MRPL48: variants seen among roughly 807,000 people sequenced by gnomAD.
The protein encoded by MRPL48 is large ribosomal subunit protein mL48.
Under a neutral mutation model 32.9 loss-of-function variants are expected in MRPL48, and 16 were observed. The ratio of observed to expected loss-of-function variants is 0.49; its 90% CI spans 0.33 to 0.74. The LOEUF is 0.74. Ranked by LOEUF, MRPL48 falls within the 30% of genes least tolerant of loss-of-function variation. The pLI is 0.02. For missense variants in MRPL48, 206 were observed against 245.3 expected (o/e 0.84, Z 1.07); for synonymous variants, 94 against 89.2 (o/e 1.05, Z -0.31).
At chr11:73,839,554 G>A (rs890004308) in intron 4 of MRPL48, among the ~76,000 whole-genome samples, 3 of 152,074 alleles carry the variant, frequency 2.0e-5, no homozygotes, top group African/African-American at 4.8e-5. Context: ...GTGTGGCTGG[G>A]TCATTTCGGC....
At chr11:73,788,305 C>T (rs1442987300) in intron 1 of MRPL48, among the ~76,000 whole-genome samples, 1 of 152,006 alleles carries the variant, frequency 6.6e-6, no homozygotes, top group Non-Finnish European at 1.5e-5. Context: ...GATACGGTCC[C>T]GATTAACTGT....
chr11:73,793,714 G>T (rs1281102586), intron 1 of MRPL48, among the ~76,000 whole-genome samples: 1 of 152,060 alleles, frequency 6.6e-6, no homozygotes, highest in Non-Finnish European at 1.5e-5. Context: ...ATGGGAGTGA[G>T]AATTGAGGTA....
chr11:73,844,617 T>C (rs1948252318), intron 4 of MRPL48, among the ~76,000 whole-genome samples, 190 bp from the exon 5 acceptor site: 1 of 152,172 alleles, frequency 6.6e-6, no homozygotes, highest in Admixed American at 6.6e-5. Flanking sequence ...TTGGCTGATG[T>C]CACAGCCTAG....
chr11:73,811,343 T>C (rs1947562521), intron 3 of MRPL48, among the ~76,000 whole-genome samples: 1 of 151,804 alleles, frequency 6.6e-6, no homozygotes, highest in Non-Finnish European at 1.5e-5. Flanking sequence ...GTCCAAGAGT[T>C]AGGAAAAAAA....
chr11:73,830,656 T>C (rs1260519000), intron 4 of MRPL48, among the ~76,000 whole-genome samples: 1 of 152,134 alleles, frequency 6.6e-6, no homozygotes, highest in Admixed American at 6.5e-5. Flanking sequence ...GAGCCCAACA[T>C]CCCTAAGACG....
chr11:73,846,664 CTT>C (rs111867247), intron 5 of MRPL48, among the ~76,000 whole-genome samples: 7 of 144,114 alleles, frequency 4.9e-5, no homozygotes, highest in African/African-American at 7.6e-5. Flanking sequence ...CACCTCCTTT[CTT>C]TTTTTTTTTT....
chr11:73,831,951 A>AG (rs1948004024), intron 4 of MRPL48, among the ~76,000 whole-genome samples: 1 of 151,192 alleles, frequency 6.6e-6, no homozygotes, highest in African/African-American at 2.4e-5. Context: ...AAAAAAAAAA[A>AG]AAAAAAAAAA....
intron 3 of MRPL48, among the ~76,000 whole-genome samples, chr11:73,818,705 C>T (rs1237696555): frequency 2.0e-5 from 3 of 152,096 alleles, no homozygotes; most frequent in Non-Finnish European, 2.9e-5. Flanking sequence ...TTTTTCTTTC[C>T]CTACCTGCAT....
At chr11:73,850,440 T>TAA in intron 5 of MRPL48, 7 of 292,450 alleles carry the variant, frequency 2.4e-5, no homozygotes, top group South Asian at 9.7e-5. Flanking sequence ...CCCAGTCCTT[T>TAA]AAAAAAAAAA....
intron 5 of MRPL48, among the ~76,000 whole-genome samples, chr11:73,859,495 G>A (rs1948545352): frequency 2.0e-5 from 3 of 151,794 alleles, no homozygotes; most frequent in Non-Finnish European, 4.4e-5. Flanking sequence ...TGCCCAGGCT[G>A]GTCTTGAATT....
chr11:73,804,925 C>A (rs940991982), intron 1 of MRPL48, 102 bp from the exon 2 acceptor site: 1 of 1,061,998 alleles, frequency 9.4e-7, no homozygotes, highest in Non-Finnish European at 1.3e-6. Context: ...CCTTTTTGTC[C>A]TTTTCTGGTT....
At chr11:73,853,693 T>G (rs910277498) in intron 5 of MRPL48, among the ~76,000 whole-genome samples, 9 of 135,790 alleles carry the variant, frequency 6.6e-5, no homozygotes, top group African/African-American at 2.5e-4. Context: ...TTTTTTTTTT[T>G]TTTTTTTTTT....
chr11:73,827,259 C>G, intron 4 of MRPL48, among the ~76,000 whole-genome samples: 1 of 151,906 alleles, frequency 6.6e-6, no homozygotes, highest in African/African-American at 2.4e-5. Flanking sequence ...TGGCGCGTGC[C>G]TGTAATCCCA....
chr11:73,824,782 C>T (rs536197661), intron 3 of MRPL48, among the ~76,000 whole-genome samples: 5 of 152,038 alleles, frequency 3.3e-5, no homozygotes, highest in Non-Finnish European at 5.9e-5. Context: ...GATGAGAGCC[C>T]TCTGAGAATG....
chr11:73,803,887 T>C (rs1244863067), intron 1 of MRPL48, among the ~76,000 whole-genome samples: 1 of 152,110 alleles, frequency 6.6e-6, no homozygotes, highest in East Asian at 1.9e-4. Flanking sequence ...TTGTGAAGTA[T>C]CATTATCACT....
intron 1 of MRPL48, among the ~76,000 whole-genome samples, chr11:73,792,043 C>T (rs900524656): frequency 6.6e-6 from 1 of 152,192 alleles, no homozygotes; most frequent in African/African-American, 2.4e-5. Context: ...CAGACATGCC[C>T]TTCTGTGCCT....
intron 3 of MRPL48, among the ~76,000 whole-genome samples, chr11:73,819,791 G>A (rs1377372042): frequency 1.3e-5 from 2 of 152,046 alleles, no homozygotes; most frequent in Admixed American, 6.6e-5. Flanking sequence ...CCAGCTACTC[G>A]GGAGATTGAG....
At chr11:73,859,561 G>A (rs1948547052) in intron 5 of MRPL48, among the ~76,000 whole-genome samples, 1 of 152,134 alleles carries the variant, frequency 6.6e-6, no homozygotes, top group Admixed American at 6.5e-5. Context: ...GATTACAGGT[G>A]TGCGCCACCA....
chr11:73,844,655 C>T (rs573241903), intron 4 of MRPL48, among the ~76,000 whole-genome samples, 152 bp from the exon 5 acceptor site: 1 of 152,236 alleles, frequency 6.6e-6, no homozygotes, highest in East Asian at 1.9e-4. Context: ...CTCTTTCCTT[C>T]CCAGGAGAAC....
Sources: allele counts gnomAD v4.1 joint callset (sites outside exome capture counted in the v4.1 genomes callset), GRCh38; gene constraint gnomAD v4.1.1; transcripts MANE v1.5; gene names NCBI Gene and HGNC (gene_info 2026-07-23, HGNC 2026-07-21).